The following COPG1 variants were observed in gnomAD, a reference collection of about 807,000 sequenced individuals.
COPG1 encodes the protein coat protein complex I subunit gamma 1, also known as coatomer subunit gamma-1.
Under a neutral mutation model 102.8 loss-of-function variants are expected in COPG1, and 29 were observed. That is an observed-to-expected ratio of 0.28 (90% CI 0.21 to 0.38). COPG1 has a LOEUF of 0.38. Among genes scored for constraint, COPG1 ranks in the 10% least tolerant of loss-of-function variants. COPG1 has a pLI of 1.00. For missense variants in COPG1, 875 were observed against 1,132.7 expected, an observed-to-expected ratio of 0.77 and a Z score of 3.27; for synonymous variants, 406 against 421.6, an observed-to-expected ratio of 0.96 and a Z score of 0.45.
At chr3:129,253,776 G>A (rs1485861339) in intron 5 of COPG1, among the ~76,000 whole-genome samples, 2 of 152,036 alleles carry the variant, frequency 1.3e-5, no homozygotes, top group East Asian at 3.9e-4. Flanking sequence ...GCGATGGGTG[G>A]ATCACTTGAG....
chr3:129,255,528 G>C (rs1338822313), intron 7 of COPG1, among the ~76,000 whole-genome samples: 1 of 149,730 alleles, frequency 6.7e-6, no homozygotes, highest in Non-Finnish European at 1.5e-5. Flanking sequence ...TGTTGCCCAG[G>C]CTGGAGTGCA....
intron 13 of COPG1, 24 bp downstream of exon 13, chr3:129,264,023 GA>G (rs780358622): frequency 6.3e-7 from 1 of 1,578,894 alleles, no homozygotes; most frequent in Non-Finnish European, 8.7e-7. Context: ...GCATTCGGGG[GA>G]TGCCAGGTCT....
Position 129,274,964 on chromosome 3 carries a change from A to G in COPG1, c.2383A>G (p.Lys795Glu). 6.2e-7 allele frequency: 1 copy of G among 1,614,218 alleles called. No homozygotes were observed. The change falls in exon 22 of 24, where the codon AAG (lysine) becomes GAG (glutamate). Residue 795 changes from lysine (K) to glutamate (E), a missense_variant. Physicochemically the swap from Lys to Glu is moderately conservative, Grantham distance 56 (BLOSUM62 1). Transcript: ENST00000314797. ...KEETFTLSTIKTLEEAVGNIV... is the reference protein window; with the variant it reads ...KEETFTLSTIETLEEAVGNIV... Reference sequence around the variant, plus strand: ...GGAAACGTTCACCTTGTCTACCATCAAGACACTTGAAGGTAAAATCCTGGG... The same window carrying G: ...GGAAACGTTCACCTTGTCTACCATCGAGACACTTGAAGGTAAAATCCTGGG...
At position 129,272,386 on chromosome 3, in the gene COPG1, T is replaced by G; in HGVS notation, c.2129T>G (p.Val710Gly). 2 of 1,613,928 alleles carry G rather than the reference T, an allele frequency of 1.2e-6. No homozygotes were observed. The highest frequency in any genetic ancestry group is 1.7e-6 in the Non-Finnish European group (2 of 1,179,954). ...YNQPGTCYTL[V>G]ALPKEDPTAV... The stretch of plus-strand genomic sequence containing the variant: ...CAGCCCGGGACCTGCTACACACTGG[T>G]GGCACTGCCCAAAGAAGACCCCACA... Residue 710 changes from valine to glycine, a missense_variant, in exon 20 of 24, where the codon GTG becomes GGG. By Grantham distance (109) the Val-to-Gly change is moderately radical (BLOSUM62 -3). Transcript: ENST00000314797.
chr3:129,249,745 A>G lies in COPG1; in HGVS notation c.36A>G (p.Ser12=). 6.4e-7 allele frequency: 1 copy of G among 1,551,224 alleles called. No individual in the cohort carries two copies. Among genetic ancestry groups the G allele is most frequent in the Non-Finnish European group, 8.7e-7 (1 of 1,146,906 alleles). The change falls in exon 1 of 24, where the codon TCA becomes TCG. Residue 12 remains serine, a splice_region_variant and synonymous_variant. Coordinates refer to ENST00000314797, the MANE Select transcript of COPG1 (RefSeq NM_016128.4). ...LKKFDKKDEE[S]GGGSNPFQHL... Reference sequence around the variant, plus strand: ...AATTCGACAAGAAGGATGAGGAGTCAGGTGAGGGGGCCAGGCCTGGGTCTG... The same window carrying G: ...AATTCGACAAGAAGGATGAGGAGTCGGGTGAGGGGGCCAGGCCTGGGTCTG...
chr3:129,256,013 A>C (rs1939801228), intron 7 of COPG1, 55 bp from the exon 8 acceptor site: 8 of 1,503,418 alleles, frequency 5.3e-6, no homozygotes. Flanking sequence ...CTGGGCCCAG[A>C]ATGTGTGATG....
intron 14 of COPG1, among the ~76,000 whole-genome samples, chr3:129,266,251 G>A (rs914858599): frequency 3.3e-5 from 5 of 151,994 alleles, no homozygotes; most frequent in African/African-American, 7.2e-5. Context: ...GATTACAGGC[G>A]TGAGCCACCG....
intron 4 of COPG1, 76 bp downstream of exon 4, chr3:129,252,770 C>T: frequency 1.3e-6 from 2 of 1,546,836 alleles, no homozygotes; most frequent in East Asian, 2.2e-5. Flanking sequence ...GAGAGCTGGC[C>T]CCACCAGTCA....
At position 129,265,792 on chromosome 3, in the gene COPG1, G is replaced by T; in HGVS notation, c.1468G>T (p.Gly490Cys). 6.2e-7 allele frequency: 1 copy of T among 1,613,694 alleles called. No homozygotes were observed. The highest frequency in any genetic ancestry group is 1.1e-5 in the South Asian group (1 of 91,026). Residue 490 changes from glycine to cysteine, a missense_variant and splice_region_variant, in exon 14 of 24, where the codon GGT becomes TGT. Coordinates refer to ENST00000314797, the MANE Select transcript of COPG1 (RefSeq NM_016128.4). ...CTTGGAGCATGAGGAGGTCCGGGCA[G>T]GTAGGTCTGAGCCAGGGCTGAACTT... ...VVLEHEEVRA[G>C]AVSALAKFGA...
intron 9 of COPG1, 49 bp downstream of exon 9, chr3:129,257,676 C>T (rs756091943): frequency 1.2e-6 from 2 of 1,613,332 alleles, no homozygotes; most frequent in South Asian, 1.1e-5. Context: ...ACTCATCCTA[C>T]CATGCTGGGC....
chr3:129,260,405 G>C lies in COPG1; in HGVS notation c.939+5G>C. On this transcript the variant is annotated splice_donor_5th_base_variant and intron_variant, in intron 11 of 23. Transcript: ENST00000314797. ...GCTGTTCGTACCCTCAATAAGGTAAGAGTCCAGCTTGGGGGTTGGAGGAAG... is the reference window on the plus strand; with the variant it reads ...GCTGTTCGTACCCTCAATAAGGTAACAGTCCAGCTTGGGGGTTGGAGGAAG... The C allele has an allele frequency of 6.2e-7, 1 of 1,613,932 alleles. No homozygotes were observed. The highest frequency in any genetic ancestry group is 1.7e-4 in the Middle Eastern group (1 of 6,060).
At chr3:129,268,762 A>G in intron 17 of COPG1, 142 bp downstream of exon 17, 2 of 1,168,078 alleles carry the variant, frequency 1.7e-6, no homozygotes, top group Non-Finnish European at 2.5e-6. Flanking sequence ...CTCTGGCTCC[A>G]GAAAATAGAG....
intron 10 of COPG1, among the ~76,000 whole-genome samples, chr3:129,258,812 T>G (rs1040948993): frequency 6.6e-6 from 1 of 152,122 alleles, no homozygotes; most frequent in Non-Finnish European, 1.5e-5. Flanking sequence ...GTCTTTGGTG[T>G]CTCCTCTGTG....
rs573994393 is a variant in COPG1, at chr3:129,254,847, T to G, written c.399+104T>G. 3.7e-5 allele frequency: 45 copies of G among 1,223,188 alleles called. No individual in the cohort carries two copies. The East Asian group carries it at 1.0e-3, about 28-fold the overall frequency. The allele number at this position is 1,223,188 out of a possible 1,614,324, so 75.8% of individuals were successfully genotyped here. On this transcript the variant is annotated intron_variant, in intron 6 of 23. Transcript: ENST00000314797. ...TCCCCTATCACTGAGCCAGGTGATG[T>G]GGGGTGGAGGCAGTGTGCAGGAGCA... is the stretch of plus-strand genomic sequence containing the variant.
At chr3:129,267,717 A>T (rs1056104297) in intron 15 of COPG1, among the ~76,000 whole-genome samples, 23 of 152,208 alleles carry the variant, frequency 1.5e-4, no homozygotes, top group African/African-American at 5.5e-4. Flanking sequence ...TCACAGAGTG[A>T]TGGAACCATC....
chr3:129,274,418 A>C (rs896942163), intron 21 of COPG1, among the ~76,000 whole-genome samples: 1 of 152,182 alleles, frequency 6.6e-6, no homozygotes, highest in African/African-American at 2.4e-5. Context: ...GGTTTCTGCT[A>C]GTTTCTGCTG....
At position 129,249,634 on chromosome 3, in the gene COPG1, A is replaced by C. The variant is rs1939648066; in HGVS notation, c.-76A>C. The C allele has an allele frequency of 6.6e-7, 1 of 1,508,324 alleles. No individual in the cohort carries two copies. The allele number at this position is 1,508,324 out of a possible 1,614,324, so 93.4% of individuals were successfully genotyped here. On this transcript the variant is annotated 5_prime_UTR_variant, in exon 1 of 24. Transcript: ENST00000314797. ...CGGGGCCCGGAAGTGGTCCCTGTAG[A>C]ACCACTGTGGCACCGCTACTCCGTG... is the stretch of plus-strand genomic sequence containing the variant.
chr3:129,256,036 A>G (rs888462614), intron 7 of COPG1, 32 bp from the exon 8 acceptor site: 47 of 1,599,042 alleles, frequency 2.9e-5, no homozygotes, highest in African/African-American at 6.7e-5. Context: ...GACACTTCCT[A>G]CCTGCCCCTT....
chr3:129,259,338 G>A (rs1033887914), intron 10 of COPG1, among the ~76,000 whole-genome samples: 1 of 151,908 alleles, frequency 6.6e-6, no homozygotes, highest in African/African-American at 2.4e-5. Flanking sequence ...GTGCGCATCT[G>A]TAATCGCAGC....
Sources: allele counts gnomAD v4.1 joint callset (sites outside exome capture counted in the v4.1 genomes callset), GRCh38; gene constraint gnomAD v4.1.1; transcripts MANE v1.5; gene names NCBI Gene and HGNC (gene_info 2026-07-23, HGNC 2026-07-21).